MYO3B: variants seen among roughly 807,000 people sequenced by gnomAD.
MYO3B encodes the protein myosin IIIB.
A neutral mutation model predicts 174.6 loss-of-function variants in MYO3B; 156 were observed. The observed-to-expected ratio is 0.89, with a 90% CI of 0.78 to 1.02. The LOEUF is 1.02. Ranked by LOEUF, MYO3B falls within the 50% of genes least tolerant of loss-of-function variation. The pLI is 0.00. For synonymous variants in MYO3B, 563 were observed against 569.1 expected (o/e 0.99, Z 0.15); for missense variants, 1,632 against 1,639.4 (o/e 1.00, Z 0.08).
chr2:170,414,046 AT>A (rs2094562745), intron 22 of MYO3B, among the ~76,000 whole-genome samples: 1 of 152,188 alleles, frequency 6.6e-6, no homozygotes, highest in South Asian at 2.1e-4. Flanking sequence ...TCTCAAAAAA[AT>A]AAATAAATAA....
intron 7 of MYO3B, among the ~76,000 whole-genome samples, chr2:170,320,437 G>A (rs534411000): frequency 2.4e-4 from 36 of 152,234 alleles, no homozygotes; most frequent in Non-Finnish European, 2.5e-4. Flanking sequence ...ACAAGGAGAT[G>A]TACATTGGTT....
At chr2:170,577,622 G>A (rs533347501) in intron 32 of MYO3B, among the ~76,000 whole-genome samples, 30 of 152,164 alleles carry the variant, frequency 2.0e-4, no homozygotes, top group African/African-American at 6.3e-4. Flanking sequence ...AATTCCTCAG[G>A]GGAGACAGTG....
intron 7 of MYO3B, among the ~76,000 whole-genome samples, chr2:170,313,385 T>A (rs1366641678): frequency 2.0e-5 from 3 of 151,910 alleles, no homozygotes; most frequent in Non-Finnish European, 2.9e-5. Context: ...CTAAAAAAAA[T>A]AAATAAATAA....
At chr2:170,588,089 C>T (rs1184747631) in intron 32 of MYO3B, among the ~76,000 whole-genome samples, 1 of 151,918 alleles carries the variant, frequency 6.6e-6, no homozygotes, top group African/African-American at 2.4e-5. Flanking sequence ...AAATTAAAAC[C>T]CTTTGTGATC....
At chr2:170,383,983 A>G in intron 12 of MYO3B, 169 bp downstream of exon 12, 2 of 567,844 alleles carry the variant, frequency 3.5e-6, no homozygotes, top group East Asian at 5.6e-5. Context: ...AGGTAAAGCC[A>G]TAGCATCGGG....
chr2:170,432,703 A>T (rs2094720475), intron 22 of MYO3B, among the ~76,000 whole-genome samples: 2 of 151,924 alleles, frequency 1.3e-5, no homozygotes, highest in Admixed American at 6.5e-5. Flanking sequence ...CAGCCTCCCA[A>T]GTAGTTGGGA....
chr2:170,358,658 G>A (rs1382825727), intron 8 of MYO3B, among the ~76,000 whole-genome samples: 2 of 152,106 alleles, frequency 1.3e-5, no homozygotes, highest in Non-Finnish European at 2.9e-5. Context: ...AGTAGTTTTT[G>A]CTGATTTTCT....
At chr2:170,228,979 A>C (rs1341585868) in intron 6 of MYO3B, among the ~76,000 whole-genome samples, 10 of 150,526 alleles carry the variant, frequency 6.6e-5, no homozygotes, top group East Asian at 1.9e-4. Flanking sequence ...AAAAAAAAAA[A>C]AACAACGAAT....
chr2:170,389,870 G>A (rs184974360), intron 14 of MYO3B, among the ~76,000 whole-genome samples: 27 of 152,128 alleles, frequency 1.8e-4, no homozygotes, highest in African/African-American at 4.3e-4. Context: ...TAAGCTTACC[G>A]TTATTCTCCA....
At chr2:170,636,957 C>T (rs62168251) in intron 32 of MYO3B, among the ~76,000 whole-genome samples, 5 of 146,668 alleles carry the variant, frequency 3.4e-5, no homozygotes, top group South Asian at 2.2e-4. Flanking sequence ...TGCTTTTGTG[C>T]GTGTGTGTGT....
chr2:170,572,478 G>T (rs1692503358), intron 32 of MYO3B, among the ~76,000 whole-genome samples: 1 of 151,592 alleles, frequency 6.6e-6, no homozygotes, highest in African/African-American at 2.4e-5. Flanking sequence ...AGCTGAGTGT[G>T]GTGGTGTGCT....
chr2:170,232,396 A>G (rs920731102), intron 6 of MYO3B, among the ~76,000 whole-genome samples: 2 of 152,230 alleles, frequency 1.3e-5, no homozygotes, highest in African/African-American at 4.8e-5. Context: ...AACCTGCAGA[A>G]AGGGCTGTTT....
intron 29 of MYO3B, among the ~76,000 whole-genome samples, chr2:170,518,742 C>T (rs1344234503): frequency 1.3e-5 from 2 of 152,158 alleles, no homozygotes; most frequent in African/African-American, 4.8e-5. Context: ...AAGTTGGGCC[C>T]AAGAATGTTC....
intron 7 of MYO3B, among the ~76,000 whole-genome samples, chr2:170,255,085 G>A (rs902775835): frequency 2.0e-5 from 3 of 152,236 alleles, no homozygotes; most frequent in Admixed American, 6.5e-5. Flanking sequence ...GGGATCCTAC[G>A]CCCTTGACTC....
At chr2:170,462,982 T>C (rs1019246866) in intron 23 of MYO3B, among the ~76,000 whole-genome samples, 2 of 152,262 alleles carry the variant, frequency 1.3e-5, no homozygotes, top group Admixed American at 1.3e-4. Flanking sequence ...TGGTACAACC[T>C]GGGCTTTGGG....
intron 32 of MYO3B, among the ~76,000 whole-genome samples, chr2:170,647,204 T>C (rs1167625804): frequency 2.0e-5 from 3 of 152,194 alleles, no homozygotes; most frequent in Non-Finnish European, 2.9e-5. Flanking sequence ...TTTAGAATTT[T>C]AAAAACTAAA....
chr2:170,560,740 C>T (rs980431236), intron 32 of MYO3B, among the ~76,000 whole-genome samples: 5 of 152,162 alleles, frequency 3.3e-5, no homozygotes, highest in African/African-American at 1.2e-4. Flanking sequence ...GATACACACC[C>T]ACTGTAAATG....
At chr2:170,516,866 T>A (rs2106131163) in intron 29 of MYO3B, among the ~76,000 whole-genome samples, 1 of 152,306 alleles carries the variant, frequency 6.6e-6, no homozygotes, top group East Asian at 1.9e-4. Context: ...CTATTTAAGT[T>A]CATAATTTTA....
At chr2:170,470,971 A>G (rs1248114279) in intron 25 of MYO3B, among the ~76,000 whole-genome samples, 1 of 141,990 alleles carries the variant, frequency 7.0e-6, no homozygotes, top group Non-Finnish European at 1.5e-5. Context: ...ATTTGCAAAT[A>G]TTTTCTCTCT....
Sources: gnomAD v4.1 joint callset for allele counts (sites outside exome capture counted in the v4.1 genomes callset) on GRCh38, gnomAD v4.1.1 for gene constraint, MANE v1.5 for transcripts, NCBI Gene and HGNC (gene_info 2026-07-23, HGNC 2026-07-21) for gene names.